MYO5A: variants seen among roughly 807,000 people sequenced by gnomAD.
MYO5A encodes the protein unconventional myosin-Va.
In MYO5A, 98 loss-of-function variants were observed where a neutral mutation model predicts 249.7. The ratio of observed to expected loss-of-function variants is 0.39; its 90% confidence interval spans 0.33 to 0.46. MYO5A has a LOEUF of 0.46. MYO5A is among the 20% of genes least tolerant of loss of function. The probability of loss-of-function intolerance (pLI) is 0.98; values close to 1 mark genes in which losing one functional copy is unlikely to be tolerated. For missense variants in MYO5A, 1,696 were observed against 2,308.8 expected (o/e 0.73, Z 5.44); for synonymous variants, 778 against 810.6 (o/e 0.96, Z 0.68).
Position 52,519,280 on chromosome 15 carries a change from A to G in MYO5A, c.27+9500T>C, listed in dbSNP as rs542157404. 8.5e-5 allele frequency among the ~76,000 whole-genome samples: 13 copies of G among 152,348 alleles called. No individual in the cohort carries two copies. The South Asian group carries it at 2.5e-3, about 29-fold the overall frequency. On this transcript the variant is annotated intron_variant, in intron 1 of 41. Transcript: ENST00000399233. ...TGAGGAAATACGGTAGAAAGAAATC[A>G]GTAAGAAAGGTGACATAGGGTTCAT...
At chr15:52,474,064 A>C (rs2076536779) in intron 1 of MYO5A, among the ~76,000 whole-genome samples, 1 of 152,198 alleles carries the variant, frequency 6.6e-6, no homozygotes, top group South Asian at 2.1e-4. Flanking sequence ...CTTCTATTTC[A>C]TTGAGCAGTG....
At position 52,360,039 on chromosome 15, in the gene MYO5A, T is replaced by C; in HGVS notation, c.3352A>G (p.Ser1118Gly). The change falls in exon 25 of 42, where the codon AGC becomes GGC. Residue 1118 changes from serine (S) to glycine (G), a missense_variant. By Grantham distance (56) the Ser-to-Gly change is moderately conservative (BLOSUM62 0). Transcript: ENST00000399233. ...AAGATATATTCAGACTCGTTGCTGC[T>C]GTGGGTGGAGTCTGTTCTCTTGTGT... ...PGHKRTDSTHSSNESEYIFSS... is the reference protein window; with the variant it reads ...PGHKRTDSTHGSNESEYIFSS... 1 of 1,613,840 alleles carries C rather than the reference T, an allele frequency of 6.2e-7. No individual in the cohort carries two copies.
chr15:52,448,953 CTTTCTT>C (rs2075955414), intron 1 of MYO5A, among the ~76,000 whole-genome samples: 2 of 61,870 alleles, frequency 3.2e-5, no homozygotes, highest in Non-Finnish European at 6.4e-5. Context: ...CTTTTCTTGT[CTTTCTT>C]TTTTTTTTTT....
At chr15:52,440,410 G>C (rs1156852658) in intron 1 of MYO5A, among the ~76,000 whole-genome samples, 1 of 152,128 alleles carries the variant, frequency 6.6e-6, no homozygotes, top group Non-Finnish European at 1.5e-5. Flanking sequence ...CGAGATTACA[G>C]GCATGCACCA....
At chr15:52,437,379 G>A (rs997556052) in intron 1 of MYO5A, among the ~76,000 whole-genome samples, 3 of 152,098 alleles carry the variant, frequency 2.0e-5, no homozygotes, top group African/African-American at 7.2e-5. Flanking sequence ...CGGATCACTT[G>A]AGCTCAGGAG....
At chr15:52,418,529 T>C (rs952089376) in intron 4 of MYO5A, among the ~76,000 whole-genome samples, 19 of 151,966 alleles carry the variant, frequency 1.3e-4, no homozygotes, top group African/African-American at 3.9e-4. Flanking sequence ...ATGGAACCAG[T>C]AGGAGATGTG....
chr15:52,453,826 A>G (rs1292572124), intron 1 of MYO5A, among the ~76,000 whole-genome samples: 1 of 152,140 alleles, frequency 6.6e-6, no homozygotes, highest in Admixed American at 6.5e-5. Flanking sequence ...GATGTTTTCT[A>G]TAAGTCTCAT....
intron 8 of MYO5A, among the ~76,000 whole-genome samples, chr15:52,405,895 G>A (rs1262422268): frequency 6.6e-6 from 1 of 152,176 alleles, no homozygotes; most frequent in African/African-American, 2.4e-5. Context: ...CAATAAAGCT[G>A]TTACTTCTTA....
intron 1 of MYO5A, among the ~76,000 whole-genome samples, chr15:52,463,908 A>G (rs140696535): frequency 1.0e-3 from 154 of 152,194 alleles, no homozygotes; most frequent in African/African-American, 3.6e-3. Flanking sequence ...TTTATTTTTA[A>G]TTTTTCTGAA....
At chr15:52,412,851 T>C (rs140487420) in intron 5 of MYO5A, among the ~76,000 whole-genome samples, 2 of 152,230 alleles carry the variant, frequency 1.3e-5, no homozygotes, top group East Asian at 3.9e-4. Context: ...TTATTGAAAT[T>C]AAAAAAGAAC....
intron 12 of MYO5A, among the ~76,000 whole-genome samples, chr15:52,389,662 AC>A (rs1244358890): frequency 7.9e-5 from 12 of 152,242 alleles, no homozygotes; most frequent in Admixed American, 7.9e-4. Context: ...TTTTTAAAAA[AC>A]AAAAGCTGGC....
chr15:52,455,316 A>G (rs909628243), intron 1 of MYO5A, among the ~76,000 whole-genome samples: 4 of 152,102 alleles, frequency 2.6e-5, no homozygotes, highest in Non-Finnish European at 5.9e-5. Flanking sequence ...GATCAGAGTC[A>G]TAACAACAAC....
intron 25 of MYO5A, 124 bp downstream of exon 25, chr15:52,359,844 G>A: frequency 1.4e-6 from 1 of 738,894 alleles, no homozygotes; most frequent in Non-Finnish European, 2.4e-6. Context: ...CACTTATGAA[G>A]AATAAATGAT....
chr15:52,380,725 C>T (rs1274210509), intron 16 of MYO5A, among the ~76,000 whole-genome samples: 7 of 152,210 alleles, frequency 4.6e-5, no homozygotes, highest in Non-Finnish European at 8.8e-5. Context: ...CGAGACCACG[C>T]CATTGCATTC....
chr15:52,340,523 G>T, intron 31 of MYO5A, 129 bp from the exon 32 acceptor site: 1 of 802,768 alleles, frequency 1.2e-6, no homozygotes, highest in Non-Finnish European at 2.0e-6. Context: ...GTTATCTTCT[G>T]ACTTGATTAA....
At chr15:52,419,528 A>C (rs898248283) in intron 4 of MYO5A, among the ~76,000 whole-genome samples, 2 of 152,184 alleles carry the variant, frequency 1.3e-5, no homozygotes, top group African/African-American at 2.4e-5. Context: ...TAAACCCTAA[A>C]GTTAATACTA....
Position 52,384,230 on chromosome 15 carries a change from A to G in MYO5A, c.1845T>C (p.Thr615=). 1.2e-6 allele frequency: 2 copies of G among 1,614,180 alleles called. No individual in the cohort carries two copies. The highest frequency in any genetic ancestry group is 1.1e-5 in the South Asian group (1 of 91,078). The part of the protein sequence containing the change: ...TSSGRTPLTR[T]PAKPTKGRPG... Reference sequence around the variant, plus strand: ...GTCTGCCTTTGGTGGGCTTTGCAGGAGTTCGTGTGAGGGGTGTGCGCCCTG... The same window carrying G: ...GTCTGCCTTTGGTGGGCTTTGCAGGGGTTCGTGTGAGGGGTGTGCGCCCTG... Residue 615 remains threonine, a synonymous_variant, in exon 15 of 42, where the codon ACT becomes ACC. Coordinates refer to ENST00000399233, the MANE Select transcript of MYO5A (RefSeq NM_001382347.1).
intron 29 of MYO5A, chr15:52,346,716 C>G: frequency 1.8e-6 from 1 of 548,792 alleles, no homozygotes; most frequent in Non-Finnish European, 3.4e-6. Flanking sequence ...TACAATGTCA[C>G]GGCCCTGTAA....
chr15:52,339,908 G>A (rs1451066693), intron 32 of MYO5A, among the ~76,000 whole-genome samples: 1 of 152,198 alleles, frequency 6.6e-6, no homozygotes, highest in East Asian at 1.9e-4. Flanking sequence ...CTGAAATGGA[G>A]GAAGCAGATC....
Sources: allele counts gnomAD v4.1 joint callset (sites outside exome capture counted in the v4.1 genomes callset), GRCh38; gene constraint gnomAD v4.1.1; transcripts MANE v1.5; gene names NCBI Gene and HGNC (gene_info 2026-07-23, HGNC 2026-07-21).